FST: variants seen among roughly 807,000 people sequenced by gnomAD.
The protein encoded by FST is activin-binding protein.
FST carries 6 observed loss-of-function variants against 38.4 expected under a neutral mutation model. That is an observed-to-expected ratio of 0.16 (90% CI 0.09 to 0.31). The LOEUF (loss-of-function observed/expected upper bound fraction) is 0.31. Ranked by LOEUF, FST falls within the 10% of genes least tolerant of loss-of-function variation. The probability of loss-of-function intolerance (pLI) is 1.00; values close to 1 mark genes in which losing one functional copy is unlikely to be tolerated. For synonymous variants in FST, 157 were observed against 169.8 expected (o/e 0.92, Z 0.59); for missense variants, 301 against 432.3 (o/e 0.70, Z 2.69).
Position 53,484,306 on chromosome 5 carries a change from G to C in FST, c.721+13G>C. ...GGAAAGTGTATCAGTAGGTATTCTG[G>C]ATTGAGGAAGGAAAAAGAGAAAACA... On this transcript the variant is annotated intron_variant, in intron 4 of 5. Transcript: ENST00000256759. The C allele has an allele frequency of 6.2e-7, 1 of 1,611,370 alleles. No individual in the cohort carries two copies. The highest frequency in any genetic ancestry group is 1.1e-5 in the South Asian group (1 of 90,738).
chr5:53,485,249 G>C, intron 5 of FST, 22 bp downstream of exon 5: 2 of 1,348,580 alleles, frequency 1.5e-6, no homozygotes, highest in Non-Finnish European at 2.1e-6. Flanking sequence ...TTTTAACCTT[G>C]CTGCCATTTA....
rs373285043 is a variant in FST at position 53,484,334 on chromosome 5, C to T, written c.721+41C>T. The T allele has an allele frequency of 3.8e-5, 61 of 1,589,526 alleles. 1 individual carries two copies. In the African/African-American group the frequency reaches 7.4e-4, roughly 19 times the overall value. ...TGAGGAAGGAAAAAGAGAAAACAGG[C>T]TAGTTCTATTATTAAACTGTGGGGT... is the stretch of plus-strand genomic sequence containing the variant. On this transcript the variant is annotated intron_variant, in intron 4 of 5. Coordinates refer to ENST00000256759, the MANE Select transcript of FST (RefSeq NM_013409.3).
chr5:53,480,745 C>G lies in FST; in HGVS notation c.-47C>G. 2 of 806,168 alleles carry G rather than the reference C, an allele frequency of 2.5e-6. No homozygotes were observed. 49.9% of individuals were successfully genotyped at this position (806,168 alleles called of 1,614,324 possible). A position where few individuals can be genotyped will look rare whatever the true frequency, so the allele number is the denominator to read the frequency against. On this transcript the variant is annotated 5_prime_UTR_variant, in exon 1 of 6. Coordinates refer to ENST00000256759, the MANE Select transcript of FST (RefSeq NM_013409.3). ...CTCGCCCGAGCCACCCGCCGCCGCG[C>G]CGGCTCCCCGCGCCGCTGCGCTCCT...
chr5:53,483,581 G>A lies in FST; in HGVS notation c.355G>A (p.Ala119Thr), dbSNP rs781612641. The change falls in exon 3 of 6, where the codon GCC becomes ACC. Residue 119 changes from alanine (A) to threonine (T), a missense_variant. Transcript: ENST00000256759. This position sits in a 1 kb window ranked among gnomAD's most constrained non-coding sequence, Gnocchi z 4.1. The stretch of plus-strand genomic sequence containing the variant: ...GAAGAACAAACCCCGCTGCGTCTGC[G>A]CCCCGGATTGTTCCAACATCACCTG... ...NKKNKPRCVC[A>T]PDCSNITWKG... 9.9e-6 allele frequency: 16 copies of A among 1,614,048 alleles called. No individual in the cohort carries two copies. Among genetic ancestry groups the A allele is most frequent in the Non-Finnish European group, 5.1e-6 (6 of 1,179,994 alleles).
chr5:53,481,754 G>A (rs549189028), intron 1 of FST, among the ~76,000 whole-genome samples: 1 of 152,332 alleles, frequency 6.6e-6, no homozygotes, highest in East Asian at 1.9e-4. Flanking sequence ...TTCATGAGAA[G>A]TCTTCTCGAC....
intron 1 of FST, among the ~76,000 whole-genome samples, chr5:53,481,216 T>C (rs1747180993): frequency 1.3e-5 from 2 of 151,558 alleles, no homozygotes. Context: ...GCCTGGAGAT[T>C]TCAGTCGACC....
intron 5 of FST, chr5:53,485,546 GTTTTT>G (rs5867881): frequency 3.2e-6 from 2 of 634,764 alleles, no homozygotes; most frequent in South Asian, 1.9e-5. Context: ...TGCTTCAAAA[GTTTTT>G]TTTTTTTTTT....
chr5:53,485,779 T>C (rs1747514478), intron 5 of FST, 172 bp from the exon 6 acceptor site: 1 of 1,596,504 alleles, frequency 6.3e-7, no homozygotes, highest in Admixed American at 1.8e-5. Flanking sequence ...TTTTTTAACT[T>C]ATTGCATAAC....
rs1747404376 is a variant in FST at position 53,484,112 on chromosome 5, G to A, written c.540G>A (p.Val180=). 1.2e-6 allele frequency: 2 copies of A among 1,611,132 alleles called. No individual in the cohort carries two copies. The highest frequency in any genetic ancestry group is 4.5e-5 in the East Asian group (2 of 44,872). ...DVFCPGSSTC[V]VDQTNNAYCV... is the part of the protein sequence containing the mutation. The stretch of plus-strand genomic sequence containing the variant: ...TCTGTCCAGGCAGCTCCACATGTGT[G>A]GTGGACCAGACCAATAATGCCTACT... The change falls in exon 4 of 6, where the codon GTG becomes GTA. Residue 180 remains valine (V), a synonymous_variant. Coordinates refer to ENST00000256759, the MANE Select transcript of FST (RefSeq NM_013409.3).
Position 53,480,813 on chromosome 5 carries a change from C to T in FST, c.22C>T (p.Pro8Ser), listed in dbSNP as rs1350077215. Residue 8 changes from proline to serine, a missense_variant, in exon 1 of 6, where the codon CCG becomes TCG. Physicochemically the swap from Pro to Ser is moderately conservative, Grantham distance 74. Coordinates refer to ENST00000256759, the MANE Select transcript of FST (RefSeq NM_013409.3). Reference sequence around the variant, plus strand: ...CAGGATGGTCCGCGCGAGGCACCAGCCGGGTGGGCTTTGCCTCCTGCTGCT... The same window carrying T: ...CAGGATGGTCCGCGCGAGGCACCAGTCGGGTGGGCTTTGCCTCCTGCTGCT... MVRARHQ[P>S]GGLCLLLLLL... 11 of 1,522,610 alleles carry T rather than the reference C, an allele frequency of 7.2e-6. No homozygotes were observed. The Middle Eastern group carries it at 5.8e-4, about 80-fold the overall frequency. The allele number at this position is 1,522,610 out of a possible 1,614,324, so 94.3% of individuals were successfully genotyped here.
chr5:53,482,603 G>T (rs1747303133), intron 1 of FST: 1 of 466,962 alleles, frequency 2.1e-6, no homozygotes, highest in Admixed American at 3.9e-5. Context: ...ACATTGATAT[G>T]GCTGGGGCGC....
chr5:53,483,909 A>G lies in FST; in HGVS notation c.497-160A>G, dbSNP rs901160581. Reference sequence around the variant, plus strand: ...GAGATTCATTAAGAACACTGAGGGGACCAACCTAGTCATAGATTCTCTCTT... The same window carrying G: ...GAGATTCATTAAGAACACTGAGGGGGCCAACCTAGTCATAGATTCTCTCTT... On this transcript the variant is annotated intron_variant, in intron 3 of 5. Transcript: ENST00000256759. The surrounding 1 kb of genome is among the most constrained non-coding windows in gnomAD (Gnocchi z 4.1). Among the ~76,000 whole-genome samples, 2 of 152,206 alleles carry G rather than the reference A, an allele frequency of 1.3e-5. No individual in the cohort carries two copies. The highest frequency in any genetic ancestry group is 4.8e-5 in the African/African-American group (2 of 41,448).
chr5:53,481,568 T>C (rs762208073), intron 1 of FST, among the ~76,000 whole-genome samples: 4 of 151,738 alleles, frequency 2.6e-5, no homozygotes, highest in Non-Finnish European at 5.9e-5. Context: ...ACCCTTAGCT[T>C]TCTGTAAAAC....
At chr5:53,485,546 G>GTT (rs5867881) in intron 5 of FST, 1,487 of 633,378 alleles carry the variant, frequency 2.3e-3, no homozygotes, top group South Asian at 3.5e-3. Flanking sequence ...TGCTTCAAAA[G>GTT]TTTTTTTTTT....
chr5:53,484,016 C>T, intron 3 of FST, 53 bp from the exon 4 acceptor site: 5 of 1,491,286 alleles, frequency 3.4e-6, no homozygotes, highest in Non-Finnish European at 4.7e-6. Context: ...CAAGTGCTCA[C>T]TCCCTAAGGA....
chr5:53,482,942 C>A lies in FST; in HGVS notation c.148C>A (p.Leu50Met). The A allele has an allele frequency of 6.2e-7, 1 of 1,613,378 alleles. No homozygotes were observed. The highest frequency in any genetic ancestry group is 8.5e-7 in the Non-Finnish European group (1 of 1,179,298). ...CTGCCAGGTCCTGTACAAGACCGAA[C>A]TGAGCAAGGAGGAGTGCTGCAGCAC... ...GRCQVLYKTELSKEECCSTGR... is the reference protein window; with the variant it reads ...GRCQVLYKTEMSKEECCSTGR... The change falls in exon 2 of 6, where the codon CTG (leucine) becomes ATG (methionine). Residue 50 changes from leucine to methionine, a missense_variant. Coordinates refer to ENST00000256759, the MANE Select transcript of FST (RefSeq NM_013409.3).
intron 1 of FST, among the ~76,000 whole-genome samples, chr5:53,482,503 T>C (rs1747295680): frequency 6.6e-6 from 1 of 152,104 alleles, no homozygotes; most frequent in Non-Finnish European, 1.5e-5. Context: ...TTCGAGTCTC[T>C]GCAGGTTATG....
At chr5:53,485,907 T>C in intron 5 of FST, 44 bp from the exon 6 acceptor site, 1 of 1,604,844 alleles carries the variant, frequency 6.2e-7, no homozygotes, top group Non-Finnish European at 8.5e-7. Context: ...TGCGCTGTTG[T>C]TGTCCGTATT....
rs984325919 is a variant in FST at position 53,483,228 on chromosome 5, G to A, written c.277+157G>A. On this transcript the variant is annotated intron_variant, in intron 2 of 5. Transcript: ENST00000256759. This position sits in a 1 kb window ranked among gnomAD's most constrained non-coding sequence, Gnocchi z 4.1. ...GGTAAGCCGTGCAGACTCTAATTCT[G>A]CCTGTTACAGGCTGTAGGGAATACA... 6.6e-6 allele frequency among the ~76,000 whole-genome samples: 1 copy of A among 152,172 alleles called. No homozygotes were observed. Among genetic ancestry groups the A allele is most frequent in the African/African-American group, 2.4e-5 (1 of 41,440 alleles).
Sources: allele counts gnomAD v4.1 joint callset (sites outside exome capture counted in the v4.1 genomes callset), GRCh38; gene constraint gnomAD v4.1.1; non-coding constraint Gnocchi (gnomAD v3.1); transcripts MANE v1.5; gene names NCBI Gene and HGNC (gene_info 2026-07-23, HGNC 2026-07-21).